PTH2R: variants seen among roughly 807,000 people sequenced by gnomAD.
The protein encoded by PTH2R is parathyroid hormone 2 receptor.
A neutral mutation model predicts 60.3 loss-of-function variants in PTH2R; 59 were observed. The ratio of observed to expected loss-of-function variants is 0.98; its 90% CI spans 0.79 to 1.22. PTH2R has a LOEUF of 1.22. Ranked by LOEUF, PTH2R falls within the 50% of genes most tolerant of loss-of-function variation. The probability of loss-of-function intolerance (pLI) is 0.00; values close to 1 mark genes in which losing one functional copy is unlikely to be tolerated. For synonymous variants in PTH2R, 256 were observed against 243.8 expected, an observed-to-expected ratio of 1.05 and a Z score of -0.47; for missense variants, 749 against 682.6, an observed-to-expected ratio of 1.10 and a Z score of -1.08.
intron 2 of PTH2R, among the ~76,000 whole-genome samples, chr2:208,429,084 CAA>C (rs55835317): frequency 0.37 from 46,562 of 126,218 alleles, 8,528 homozygotes; most frequent in African/African-American, 0.54. Context: ...CTCTCTGTCT[CAA>C]AAAAAAAAAA....
chr2:208,408,712 GA>G (rs1701471162), intron 1 of PTH2R, among the ~76,000 whole-genome samples: 2 of 133,890 alleles, frequency 1.5e-5, no homozygotes, highest in African/African-American at 5.6e-5. Flanking sequence ...AAAAGAAAGA[GA>G]AGAAAGGAAA....
chr2:208,472,320 T>G (rs1446802993), intron 9 of PTH2R, among the ~76,000 whole-genome samples: 1 of 152,070 alleles, frequency 6.6e-6, no homozygotes, highest in Non-Finnish European at 1.5e-5. Flanking sequence ...GTTCCAAAAG[T>G]CTCTAGGGCA....
At chr2:208,365,796 C>T (rs1446465580) in intron 1 of PTH2R, among the ~76,000 whole-genome samples, 23 of 142,106 alleles carry the variant, frequency 1.6e-4, no homozygotes, top group African/African-American at 4.5e-4. Flanking sequence ...TGGAGTGCAG[C>T]GGCACAATCA....
chr2:208,405,877 C>A (rs767528871), upstream of PTH2R, among the ~76,000 whole-genome samples: 15 of 152,186 alleles, frequency 9.9e-5, no homozygotes, highest in Non-Finnish European at 2.1e-4. Context: ...AATGAGAAGA[C>A]AGCAGTGGTC....
intron 1 of PTH2R, among the ~76,000 whole-genome samples, chr2:208,377,635 A>G (rs1284078691): frequency 6.6e-6 from 1 of 150,808 alleles, no homozygotes; most frequent in African/African-American, 2.5e-5. Flanking sequence ...TGCTGGGCAG[A>G]GGGGCTCCTC....
rs1355385851 is a variant in PTH2R at position 208,493,505 on chromosome 2, C to G, written c.1499C>G (p.Ser500Ter). Residue 500 changes from serine to a stop codon, truncating the protein, a stop_gained, in exon 13 of 13, where the codon TCA (serine) becomes TGA (stop). Transcript: ENST00000272847. LOFTEE classifies it low-confidence loss of function (END_TRUNC). ...TTACCTGGCTATGTCTGGAGTAACT[C>G]AGAGCAGGACTGCCTGCCACACTCT... The part of the protein sequence containing the change: ...ITLPGYVWSN[S>*]EQDCLPHSFH... The G allele has an allele frequency of 1.2e-6, 2 of 1,613,188 alleles. No homozygotes were observed. The highest frequency in any genetic ancestry group is 3.3e-5 in the Admixed American group (2 of 59,942).
At chr2:208,368,441 C>G (rs561946704) in intron 1 of PTH2R, among the ~76,000 whole-genome samples, 1 of 152,218 alleles carries the variant, frequency 6.6e-6, no homozygotes, top group African/African-American at 2.4e-5. Flanking sequence ...ATTCACCTCT[C>G]TGTTCTCCAT....
intron 1 of PTH2R, among the ~76,000 whole-genome samples, chr2:208,423,817 A>G (rs1701802869): frequency 6.6e-6 from 1 of 152,032 alleles, no homozygotes; most frequent in Non-Finnish European, 1.5e-5. Flanking sequence ...TTCTTGATGG[A>G]GTGACCCTTG....
At chr2:208,488,941 TCCTCCAG>T in intron 10 of PTH2R, 64 bp from the exon 11 acceptor site, 2 of 1,417,520 alleles carry the variant, frequency 1.4e-6, no homozygotes, top group Admixed American at 1.9e-5. Context: ...GTTTTTTTTT[TCCTCCAG>T]CACGCTGTCT....
At chr2:208,480,549 A>AATCTCGTC (rs1308927076) in intron 9 of PTH2R, among the ~76,000 whole-genome samples, 5 of 152,168 alleles carry the variant, frequency 3.3e-5, no homozygotes, top group Non-Finnish European at 5.9e-5. Flanking sequence ...TCAAAAAATC[A>AATCTCGTC]ATCTCATTGA....
intron 1 of PTH2R, among the ~76,000 whole-genome samples, chr2:208,389,227 TACACACACACACACACACACAC>T (rs71041306): frequency 1.1e-4 from 16 of 142,644 alleles, no homozygotes; most frequent in Non-Finnish European, 2.0e-4. Flanking sequence ...AGGAAATGCA[TACACACACACACACACACACAC>T]ACACACACAC....
At chr2:208,370,871 A>G (rs1315969055) in intron 1 of PTH2R, among the ~76,000 whole-genome samples, 2 of 152,076 alleles carry the variant, frequency 1.3e-5, no homozygotes, top group East Asian at 3.8e-4. Flanking sequence ...CAGGGTGTAT[A>G]GGCATGGCAT....
Position 208,406,954 on chromosome 2 carries a change from G to A in PTH2R, c.-90G>A, listed in dbSNP as rs1485882739. On this transcript the variant is annotated 5_prime_UTR_variant, in exon 1 of 13. Coordinates refer to ENST00000272847, the MANE Select transcript of PTH2R (RefSeq NM_005048.4). Reference sequence around the variant, plus strand: ...AGCTGCGCGTCGTTACTGGCCACAAGTTTGCTCTGGGCCAGCCAAGTTGGC... The same window carrying A: ...AGCTGCGCGTCGTTACTGGCCACAAATTTGCTCTGGGCCAGCCAAGTTGGC... 1 of 1,168,016 alleles carries A rather than the reference G, an allele frequency of 8.6e-7. No homozygotes were observed. Among genetic ancestry groups the A allele is most frequent in the African/African-American group, 1.6e-5 (1 of 63,210 alleles). The allele number at this position is 1,168,016 out of a possible 1,614,324, so 72.4% of individuals were successfully genotyped here. A position where few individuals can be genotyped will look rare whatever the true frequency, so the allele number is the denominator to read the frequency against.
At chr2:208,460,844 G>A (rs566528728) in intron 9 of PTH2R, among the ~76,000 whole-genome samples, 15 of 152,162 alleles carry the variant, frequency 9.9e-5, no homozygotes, top group African/African-American at 3.4e-4. Flanking sequence ...AAACAATGTA[G>A]CAACTTGATT....
At chr2:208,419,105 C>T (rs1460865787) in intron 1 of PTH2R, among the ~76,000 whole-genome samples, 1 of 152,168 alleles carries the variant, frequency 6.6e-6, no homozygotes, top group African/African-American at 2.4e-5. Context: ...TACCAACTTC[C>T]ACAATGGTTG....
intron 1 of PTH2R, among the ~76,000 whole-genome samples, chr2:208,395,441 G>A (rs902164204): frequency 6.6e-6 from 1 of 152,166 alleles, no homozygotes; most frequent in South Asian, 2.1e-4. Flanking sequence ...CTAGGTGGTG[G>A]TGTTGGCTTA....
intron 9 of PTH2R, among the ~76,000 whole-genome samples, chr2:208,479,167 C>G (rs188723434): frequency 6.6e-6 from 1 of 152,014 alleles, no homozygotes; most frequent in Admixed American, 6.5e-5. Flanking sequence ...TTGAACGTAT[C>G]TTCTCAGTTA....
Position 208,437,522 on chromosome 2 carries a change from T to G in PTH2R, c.179-15T>G. 6.4e-7 allele frequency: 1 copy of G among 1,571,718 alleles called. No homozygotes were observed. The highest frequency in any genetic ancestry group is 8.6e-7 in the Non-Finnish European group (1 of 1,160,124). ...TTTTCTTTGTTTATTTGCTTTAATTTTTTTTTCTCATTAGAAGGTAATTGT... is the reference window on the plus strand; with the variant it reads ...TTTTCTTTGTTTATTTGCTTTAATTGTTTTTTCTCATTAGAAGGTAATTGT... On this transcript the variant is annotated splice_polypyrimidine_tract_variant and intron_variant, in intron 2 of 12. Transcript: ENST00000272847.
At chr2:208,365,923 TAG>T (rs1559198687) in intron 1 of PTH2R, among the ~76,000 whole-genome samples, 4 of 75,578 alleles carry the variant, frequency 5.3e-5, no homozygotes, top group African/African-American at 2.4e-4. Flanking sequence ...TATAATATAA[TAG>T]ATAAATATAT....
Sources: gnomAD v4.1 joint callset for allele counts (sites outside exome capture counted in the v4.1 genomes callset) on GRCh38, gnomAD v4.1.1 for gene constraint, MANE v1.5 for transcripts, NCBI Gene and HGNC (gene_info 2026-07-23, HGNC 2026-07-21) for gene names.